ZNF536: variants seen among roughly 807,000 people sequenced by gnomAD.
The protein encoded by ZNF536 is zinc finger protein 536.
ZNF536 carries 13 observed loss-of-function variants against 84.5 expected under a neutral mutation model. That is an observed-to-expected ratio of 0.15 (90% CI 0.10 to 0.24). ZNF536 has a LOEUF of 0.24. Ranked by LOEUF, ZNF536 falls within the 10% of genes least tolerant of loss-of-function variation. The pLI, the probability that ZNF536 is intolerant of heterozygous loss-of-function variation, is 1.00. For synonymous variants in ZNF536, 811 were observed against 742.5 expected (o/e 1.09, Z -1.50); for missense variants, 1,536 against 1,747.5 (o/e 0.88, Z 2.16).
At chr19:30,637,840 G>C (rs961578996) in intron 1 of ZNF536, among the ~76,000 whole-genome samples, 1 of 152,120 alleles carries the variant, frequency 6.6e-6, no homozygotes, top group African/African-American at 2.4e-5. Flanking sequence ...GAGAAAGACT[G>C]TGTCTTTTTT....
intron 2 of ZNF536, among the ~76,000 whole-genome samples, chr19:30,469,050 C>T (rs1030678221): frequency 6.6e-6 from 1 of 152,160 alleles, no homozygotes; most frequent in Non-Finnish European, 1.5e-5. Context: ...GCTGCAGACC[C>T]ACTCCCTGCA....
At chr19:30,683,638 C>T (rs927164855) in intron 1 of ZNF536, among the ~76,000 whole-genome samples, 6 of 152,068 alleles carry the variant, frequency 3.9e-5, no homozygotes, top group African/African-American at 1.2e-4. Flanking sequence ...ACTGGATGTC[C>T]CTGTAAAGGG....
At chr19:30,592,419 G>A (rs541911704) in intron 1 of ZNF536, among the ~76,000 whole-genome samples, 7 of 152,274 alleles carry the variant, frequency 4.6e-5, no homozygotes, top group African/African-American at 1.7e-4. Context: ...AAGAAAATGG[G>A]TCAGGCATGT....
intron 1 of ZNF536, among the ~76,000 whole-genome samples, chr19:30,662,644 C>T (rs995928817): frequency 6.6e-6 from 1 of 151,862 alleles, no homozygotes; most frequent in Non-Finnish European, 1.5e-5. Context: ...TAGTTTTTCT[C>T]TCTTATTTTT....
At chr19:30,667,811 T>C (rs577213957) in intron 1 of ZNF536, among the ~76,000 whole-genome samples, 34 of 152,096 alleles carry the variant, frequency 2.2e-4, no homozygotes, top group Admixed American at 1.9e-3. Context: ...GTAGTGTTAG[T>C]ATACACTCAG....
chr19:30,398,738 A>T (rs1451515031), intron 1 of ZNF536, among the ~76,000 whole-genome samples: 1 of 152,190 alleles, frequency 6.6e-6, no homozygotes, highest in Non-Finnish European at 1.5e-5. Context: ...CCTGCAAAGG[A>T]CATGAAATTA....
chr19:30,669,418 C>T (rs1206439744), intron 1 of ZNF536, among the ~76,000 whole-genome samples: 1 of 152,226 alleles, frequency 6.6e-6, no homozygotes, highest in Non-Finnish European at 1.5e-5. Context: ...CGGTGCCTGG[C>T]CGTGGTCAGC....
At chr19:30,275,315 C>T (rs2026067048) in intron 1 of ZNF536, among the ~76,000 whole-genome samples, 1 of 152,224 alleles carries the variant, frequency 6.6e-6, no homozygotes. Context: ...CACTGACCTA[C>T]AGGGTAAGTT....
intron 1 of ZNF536, among the ~76,000 whole-genome samples, chr19:30,374,508 T>A (rs1055385894): frequency 6.6e-6 from 1 of 150,416 alleles, no homozygotes; most frequent in African/African-American, 2.4e-5. Flanking sequence ...TGTTTTTTTT[T>A]AATGTTAAAA....
intron 1 of ZNF536, among the ~76,000 whole-genome samples, chr19:30,570,178 G>C (rs928341517): frequency 6.6e-6 from 1 of 152,226 alleles, no homozygotes; most frequent in Non-Finnish European, 1.5e-5. Flanking sequence ...TGGACTCATG[G>C]TGACAAGGCA....
intron 1 of ZNF536, among the ~76,000 whole-genome samples, chr19:30,680,845 C>T (rs896542363): frequency 2.0e-5 from 3 of 152,066 alleles, no homozygotes; most frequent in African/African-American, 7.2e-5. Flanking sequence ...TCCACAATGG[C>T]TGAACTAGTT....
chr19:30,427,589 G>A (rs990597872), intron 1 of ZNF536, among the ~76,000 whole-genome samples: 2 of 152,100 alleles, frequency 1.3e-5, no homozygotes, highest in Admixed American at 1.3e-4. Context: ...TGGCAGGATG[G>A]CTGGATGGGT....
Position 30,528,995 on chromosome 19 carries a change from C to T in ZNF536, c.2171-5852C>T, listed in dbSNP as rs192458828. On this transcript the variant is annotated intron_variant, in intron 2 of 4. Coordinates refer to ENST00000355537, the MANE Select transcript of ZNF536 (RefSeq NM_014717.3). ...GGAGCTCTTTCAGCATGGCGGGACC[C>T]GGAGGTCTAGTCCTCGTGGGTCAGA... 1.0e-3 allele frequency among the ~76,000 whole-genome samples: 154 copies of T among 150,800 alleles called. 2 individuals are homozygous for T. Among genetic ancestry groups the T allele is most frequent in the African/African-American group, 3.4e-3 (140 of 41,102 alleles).
intron 2 of ZNF536, among the ~76,000 whole-genome samples, chr19:30,492,702 A>C (rs1324968571): frequency 6.6e-6 from 1 of 152,234 alleles, no homozygotes; most frequent in African/African-American, 2.4e-5. Context: ...AGATTAATTA[A>C]CACAATCATA....
chr19:30,393,023 A>C (rs1480260847), intron 1 of ZNF536, among the ~76,000 whole-genome samples: 1 of 152,162 alleles, frequency 6.6e-6, no homozygotes, highest in East Asian at 1.9e-4. Flanking sequence ...TGGTCAGCAA[A>C]TATTAACGAC....
chr19:30,393,649 C>T (rs1156342537), intron 1 of ZNF536, among the ~76,000 whole-genome samples: 1 of 151,922 alleles, frequency 6.6e-6, no homozygotes, highest in Non-Finnish European at 1.5e-5. Flanking sequence ...GAAGAGCGTT[C>T]CAGGCAGAGG....
chr19:30,596,227 G>A (rs2047458051), intron 1 of ZNF536, among the ~76,000 whole-genome samples: 1 of 151,572 alleles, frequency 6.6e-6, no homozygotes, highest in South Asian at 2.1e-4. Context: ...AGCTTGGAAA[G>A]GGAAAGGAGA....
intron 1 of ZNF536, among the ~76,000 whole-genome samples, chr19:30,698,417 A>T (rs1220094366): frequency 3.9e-5 from 6 of 152,226 alleles, no homozygotes; most frequent in Non-Finnish European, 7.3e-5. Flanking sequence ...AGCAATATTG[A>T]CACATTATTT....
chr19:30,264,753 C>A (rs2025412808), intron 1 of ZNF536, among the ~76,000 whole-genome samples: 1 of 152,136 alleles, frequency 6.6e-6, no homozygotes, highest in South Asian at 2.1e-4. Flanking sequence ...AGCAGTGCAG[C>A]TGAGGGTCAG....
Sources: allele counts gnomAD v4.1 joint callset (sites outside exome capture counted in the v4.1 genomes callset), GRCh38; gene constraint gnomAD v4.1.1; transcripts MANE v1.5; gene names NCBI Gene and HGNC (gene_info 2026-07-23, HGNC 2026-07-21).